The following SNX24 variants were observed in gnomAD, a reference collection of about 807,000 sequenced individuals.
The protein encoded by SNX24 is sorting nexin-24.
SNX24 carries 22 observed loss-of-function variants against 28.7 expected under a neutral mutation model. The observed-to-expected ratio is 0.77, with a 90% confidence interval of 0.55 to 1.10. The LOEUF (loss-of-function observed/expected upper bound fraction) is 1.10. Among genes scored for constraint, SNX24 ranks in the 50% least tolerant of loss-of-function variants. The pLI is 0.00. For missense variants in SNX24, 221 were observed against 201.1 expected, an observed-to-expected ratio of 1.10 and a Z score of -0.60; for synonymous variants, 69 against 71.5, an observed-to-expected ratio of 0.96 and a Z score of 0.18.
At chr5:122,990,652 C>A (rs987137838) in intron 3 of SNX24, among the ~76,000 whole-genome samples, 1 of 152,192 alleles carries the variant, frequency 6.6e-6, no homozygotes, top group African/African-American at 2.4e-5. Context: ...AAAAACCAGT[C>A]TCCTAAGGCT....
intron 1 of SNX24, among the ~76,000 whole-genome samples, chr5:122,928,303 A>T (rs1172190601): frequency 1.3e-5 from 2 of 152,200 alleles, no homozygotes; most frequent in East Asian, 3.9e-4. Flanking sequence ...AGTGAATGAA[A>T]TAATGGATCT....
chr5:123,004,394 T>A (rs1762351419), intron 6 of SNX24, among the ~76,000 whole-genome samples: 1 of 152,222 alleles, frequency 6.6e-6, no homozygotes, highest in Non-Finnish European at 1.5e-5. Context: ...TGGCCTCTCA[T>A]GGACTTTAGA....
chr5:122,876,234 T>C (rs983317181), intron 1 of SNX24, among the ~76,000 whole-genome samples: 1 of 152,218 alleles, frequency 6.6e-6, no homozygotes, highest in Non-Finnish European at 1.5e-5. Flanking sequence ...TTTGAAAGTG[T>C]ATATATTTTA....
intron 3 of SNX24, among the ~76,000 whole-genome samples, chr5:122,980,137 C>T (rs1175123198): frequency 6.6e-6 from 1 of 152,072 alleles, no homozygotes. Flanking sequence ...ACATTTTATT[C>T]AGTAATACAC....
intron 1 of SNX24, among the ~76,000 whole-genome samples, chr5:122,897,534 A>G (rs535165006): frequency 6.6e-6 from 1 of 152,306 alleles, no homozygotes; most frequent in East Asian, 1.9e-4. Context: ...GGATAGAACT[A>G]TGCTGCCAGA....
At chr5:123,025,651 TA>T in intron 5 of SNX24, 1 of 880,908 alleles carries the variant, frequency 1.1e-6, no homozygotes, top group Non-Finnish European at 1.7e-6. Context: ...ATATATAATT[TA>T]TTCACCTTTG....
At chr5:122,849,786 A>G (rs375538128) in intron 1 of SNX24, among the ~76,000 whole-genome samples, 1 of 152,302 alleles carries the variant, frequency 6.6e-6, no homozygotes, top group African/African-American at 2.4e-5. Flanking sequence ...AAACTCCTTG[A>G]GGCTAGGTAG....
chr5:123,004,346 G>GC (rs1046189776), intron 6 of SNX24, among the ~76,000 whole-genome samples: 2 of 152,126 alleles, frequency 1.3e-5, no homozygotes, highest in African/African-American at 4.8e-5. Context: ...TTTCAGTGTG[G>GC]CTGAAGCCCA....
intron 3 of SNX24, among the ~76,000 whole-genome samples, chr5:122,947,812 G>T (rs989127883): frequency 6.6e-6 from 1 of 152,160 alleles, no homozygotes; most frequent in African/African-American, 2.4e-5. Context: ...CCATGATATT[G>T]TATATCTTCA....
chr5:122,889,984 C>T (rs183186583), intron 1 of SNX24, among the ~76,000 whole-genome samples: 123 of 149,784 alleles, frequency 8.2e-4, no homozygotes, highest in Admixed American at 2.7e-3. Flanking sequence ...TCTTTTTAGT[C>T]TCCTTCAATC....
At chr5:122,979,468 A>G (rs921624040) in intron 3 of SNX24, among the ~76,000 whole-genome samples, 2 of 152,078 alleles carry the variant, frequency 1.3e-5, no homozygotes, top group Non-Finnish European at 2.9e-5. Flanking sequence ...AGAAGGGCTT[A>G]TGAGCCCACC....
At chr5:122,971,281 G>C (rs543033823) in intron 3 of SNX24, among the ~76,000 whole-genome samples, 1 of 152,178 alleles carries the variant, frequency 6.6e-6, no homozygotes, top group Non-Finnish European at 1.5e-5. Flanking sequence ...CTTTATCTTG[G>C]TTGCGCTGGC....
intron 5 of SNX24, among the ~76,000 whole-genome samples, chr5:123,018,484 A>C (rs1455940576): frequency 6.6e-6 from 1 of 152,152 alleles, no homozygotes; most frequent in Non-Finnish European, 1.5e-5. Context: ...CTGTAGTTTT[A>C]ACAGCGCTTT....
intron 3 of SNX24, among the ~76,000 whole-genome samples, chr5:122,983,729 G>C (rs763016469): frequency 2.6e-5 from 4 of 152,100 alleles, no homozygotes; most frequent in Non-Finnish European, 5.9e-5. Flanking sequence ...TTAGCTACCT[G>C]AGTAGGTGGG....
At chr5:122,879,762 C>T (rs1020457791) in intron 1 of SNX24, among the ~76,000 whole-genome samples, 4 of 152,146 alleles carry the variant, frequency 2.6e-5, no homozygotes, top group East Asian at 1.9e-4. Flanking sequence ...CTCAAGTGAT[C>T]GTCCTGCCTT....
intron 1 of SNX24, among the ~76,000 whole-genome samples, chr5:122,873,163 C>T (rs574476125): frequency 1.1e-4 from 16 of 152,042 alleles, no homozygotes; most frequent in East Asian, 1.9e-4. Flanking sequence ...TTTCTAGAGA[C>T]GGGGTTTTGC....
At chr5:122,856,504 G>A (rs1215137968) in intron 1 of SNX24, among the ~76,000 whole-genome samples, 2 of 151,482 alleles carry the variant, frequency 1.3e-5, no homozygotes, top group Admixed American at 6.6e-5. Context: ...TGGAATGCTG[G>A]GTCAAATGGT....
chr5:122,858,939 G>C (rs1234093476), intron 1 of SNX24, among the ~76,000 whole-genome samples: 1 of 152,038 alleles, frequency 6.6e-6, no homozygotes, highest in African/African-American at 2.4e-5. Context: ...GTACAGATAG[G>C]GTTTCACCAT....
chr5:123,000,191 T>A lies in SNX24; in HGVS notation c.344+185T>A, dbSNP rs571573863. On this transcript the variant is annotated intron_variant, in intron 4 of 6. Coordinates refer to ENST00000261369, the MANE Select transcript of SNX24 (RefSeq NM_014035.4). ...GAATTCCTCTGAGTCCTTATGCCCA[T>A]CTTGCGGCCAAATGGCCATGGTTCG... is the stretch of plus-strand genomic sequence containing the variant. Among the ~76,000 whole-genome samples the A allele has an allele frequency of 3.8e-3, 577 of 152,344 alleles. 4 individuals are homozygous for A. Among genetic ancestry groups the A allele is most frequent in the African/African-American group, 0.013 (534 of 41,580 alleles).
Sources: allele counts gnomAD v4.1 joint callset (sites outside exome capture counted in the v4.1 genomes callset), GRCh38; gene constraint gnomAD v4.1.1; transcripts MANE v1.5; gene names NCBI Gene and HGNC (gene_info 2026-07-23, HGNC 2026-07-21).